UBE3D: variants seen among roughly 807,000 people sequenced by gnomAD.
UBE3D encodes E3 ubiquitin-protein ligase E3D.
UBE3D carries 48 observed loss-of-function variants against 49.6 expected under a neutral mutation model. The ratio of observed to expected loss-of-function variants is 0.97; its 90% CI spans 0.77 to 1.23. The LOEUF (loss-of-function observed/expected upper bound fraction) is 1.23. UBE3D is among the 50% of genes most tolerant of loss of function. The pLI is 0.00. For synonymous variants in UBE3D, 189 were observed against 174.2 expected, an observed-to-expected ratio of 1.08 and a Z score of -0.67; for missense variants, 452 against 468.4, an observed-to-expected ratio of 0.96 and a Z score of 0.32.
intron 9 of UBE3D, among the ~76,000 whole-genome samples, chr6:82,942,669 A>T (rs1038511401): frequency 1.3e-5 from 2 of 152,230 alleles, no homozygotes; most frequent in Admixed American, 1.3e-4. Context: ...GGTGGCTTAC[A>T]TGTGGTATTG....
intron 9 of UBE3D, among the ~76,000 whole-genome samples, chr6:82,896,626 C>T (rs993360786): frequency 6.6e-6 from 1 of 152,104 alleles, no homozygotes; most frequent in African/African-American, 2.4e-5. Context: ...GTTTGGGATG[C>T]ATTAATACAT....
intron 9 of UBE3D, among the ~76,000 whole-genome samples, chr6:82,900,294 C>G (rs1402404297): frequency 6.6e-6 from 1 of 152,070 alleles, no homozygotes. Flanking sequence ...CCTTTAGCAG[C>G]AAAACCATTT....
At chr6:82,914,784 C>T (rs1052645358) in intron 9 of UBE3D, among the ~76,000 whole-genome samples, 1 of 152,172 alleles carries the variant, frequency 6.6e-6, no homozygotes, top group African/African-American at 2.4e-5. Flanking sequence ...GCAATCAAGA[C>T]GATACCTTTT....
intron 9 of UBE3D, among the ~76,000 whole-genome samples, chr6:82,934,404 G>C (rs1344124740): frequency 6.6e-6 from 1 of 152,172 alleles, no homozygotes; most frequent in Non-Finnish European, 1.5e-5. Flanking sequence ...TTTTAACAGA[G>C]GGGCTGGACT....
At chr6:82,912,402 G>C (rs1562076244) in intron 9 of UBE3D, among the ~76,000 whole-genome samples, 1 of 151,772 alleles carries the variant, frequency 6.6e-6, no homozygotes, top group Admixed American at 6.6e-5. Context: ...AGTTCTCCTA[G>C]AGACAATCTT....
At chr6:82,930,695 C>G (rs1774077252) in intron 9 of UBE3D, among the ~76,000 whole-genome samples, 1 of 152,124 alleles carries the variant, frequency 6.6e-6, no homozygotes, top group South Asian at 2.1e-4. Context: ...ACTTAGAGAT[C>G]TGTGGAACTT....
chr6:82,997,702 C>T (rs1003418946), intron 8 of UBE3D, among the ~76,000 whole-genome samples: 15 of 151,822 alleles, frequency 9.9e-5, no homozygotes, highest in African/African-American at 3.6e-4. Context: ...CTGGGCGACA[C>T]AGCAAGACTC....
At chr6:82,882,229 A>G in the UBE3D span, among the ~76,000 whole-genome samples, 1 of 152,190 alleles carries the variant, frequency 6.6e-6, no homozygotes, top group Non-Finnish European at 1.5e-5. Flanking sequence ...TCCAGAGTTT[A>G]TCCTATTACA....
intron 8 of UBE3D, among the ~76,000 whole-genome samples, chr6:82,980,878 C>T (rs1778070010): frequency 6.6e-6 from 1 of 151,960 alleles, no homozygotes; most frequent in African/African-American, 2.4e-5. Context: ...AATTATGTGA[C>T]TTTTTATCTA....
At chr6:83,057,159 C>T (rs1336933644) in intron 2 of UBE3D, among the ~76,000 whole-genome samples, 2 of 152,178 alleles carry the variant, frequency 1.3e-5, no homozygotes, top group Non-Finnish European at 2.9e-5. Context: ...CTATTTGGAA[C>T]AGTCCCCACA....
rs191789025 is a variant in UBE3D at position 83,053,444 on chromosome 6, G to A, written c.365+704C>T. On this transcript the variant is annotated intron_variant, in intron 3 of 9. Transcript: ENST00000369747. ...TAGGATTTAATCTGTCTCTCCAGCT[G>A]ATGAATGACTCGTGGCTGAAATTTT... is the stretch of plus-strand genomic sequence containing the variant. Among the ~76,000 whole-genome samples, 306 of 152,272 alleles carry A rather than the reference G, an allele frequency of 2.0e-3. 3 individuals are homozygous for A. Among genetic ancestry groups the A allele is most frequent in the Middle Eastern group, 6.8e-3 (2 of 294 alleles).
At chr6:82,993,381 G>A (rs1375718977) in intron 8 of UBE3D, among the ~76,000 whole-genome samples, 1 of 152,040 alleles carries the variant, frequency 6.6e-6, no homozygotes, top group Non-Finnish European at 1.5e-5. Context: ...TGAATATACA[G>A]TCATCCCTCA....
intron 3 of UBE3D, 41 bp downstream of exon 3, chr6:83,054,107 T>G (rs1783654029): frequency 8.6e-6 from 13 of 1,514,114 alleles, no homozygotes; most frequent in Non-Finnish European, 1.2e-5. Context: ...AGATAACCAT[T>G]GCCAGGCACA....
At chr6:83,029,674 G>A (rs1255298030) in intron 5 of UBE3D, among the ~76,000 whole-genome samples, 2 of 152,128 alleles carry the variant, frequency 1.3e-5, no homozygotes, top group African/African-American at 2.4e-5. Context: ...AGGACATTGT[G>A]TGCAATATGT....
At chr6:83,049,035 A>G (rs558016581) in intron 3 of UBE3D, among the ~76,000 whole-genome samples, 1 of 152,334 alleles carries the variant, frequency 6.6e-6, no homozygotes, top group South Asian at 2.1e-4. Flanking sequence ...GTTATTTTTA[A>G]TGTACCATGA....
chr6:83,016,009 A>G (rs1380320410), intron 8 of UBE3D, among the ~76,000 whole-genome samples: 1 of 152,074 alleles, frequency 6.6e-6, no homozygotes, highest in African/African-American at 2.4e-5. Context: ...ATTTTTTCCC[A>G]ATTAATCCCT....
chr6:83,033,033 T>C (rs1781991628), intron 5 of UBE3D, among the ~76,000 whole-genome samples: 1 of 152,178 alleles, frequency 6.6e-6, no homozygotes, highest in African/African-American at 2.4e-5. Context: ...CATTGTCTCA[T>C]GGTTCTCCAG....
chr6:82,999,445 C>T (rs545793708), intron 8 of UBE3D, among the ~76,000 whole-genome samples: 3 of 152,200 alleles, frequency 2.0e-5, no homozygotes, highest in South Asian at 2.1e-4. Context: ...AGTGCAGTGG[C>T]GCGATCTAGG....
At chr6:82,940,457 C>T (rs1052253945) in intron 9 of UBE3D, among the ~76,000 whole-genome samples, 9 of 152,212 alleles carry the variant, frequency 5.9e-5, no homozygotes, top group Non-Finnish European at 1.3e-4. Context: ...TCTTTGCACA[C>T]TGAGGACAAA....
Sources: allele counts gnomAD v4.1 joint callset (sites outside exome capture counted in the v4.1 genomes callset), GRCh38; gene constraint gnomAD v4.1.1; transcripts MANE v1.5; gene names NCBI Gene and HGNC (gene_info 2026-07-23, HGNC 2026-07-21).